The following WNT11 variants were observed in gnomAD, a reference collection of about 807,000 sequenced individuals.
WNT11 encodes the protein protein Wnt-11.
Under a neutral mutation model 35.6 loss-of-function variants are expected in WNT11, and 20 were observed. That is an observed-to-expected ratio of 0.56 (90% CI 0.40 to 0.82). WNT11 has a LOEUF of 0.82. Among genes scored for constraint, WNT11 ranks in the 40% least tolerant of loss-of-function variants. The pLI is 0.00. For synonymous variants in WNT11, 200 were observed against 211.9 expected (o/e 0.94, Z 0.49); for missense variants, 459 against 504.4 (o/e 0.91, Z 0.86).
At position 76,194,546 on chromosome 11, in the gene WNT11, G is replaced by A. The variant is rs974956924; in HGVS notation, c.597+21C>T. On this transcript the variant is annotated intron_variant, in intron 3 of 4. Coordinates refer to ENST00000322563, the MANE Select transcript of WNT11 (RefSeq NM_004626.3). This position sits in a 1 kb window ranked among gnomAD's most constrained non-coding sequence, Gnocchi z 5.4. ...ATGGCACAAGCACAACTATCTGGGG[G>A]TGGGTGGGGTGGGTGGTTACCTGTC... 17 of 1,531,768 alleles carry A rather than the reference G, an allele frequency of 1.1e-5. No individual in the cohort carries two copies. The highest frequency in any genetic ancestry group is 1.4e-5 in the African/African-American group (1 of 72,094). The allele number at this position is 1,531,768 out of a possible 1,614,324, so 94.9% of individuals were successfully genotyped here.
chr11:76,194,382 G>A lies in WNT11; in HGVS notation c.597+185C>T, dbSNP rs1352319194. On this transcript the variant is annotated intron_variant, in intron 3 of 4. Coordinates refer to ENST00000322563, the MANE Select transcript of WNT11 (RefSeq NM_004626.3). The surrounding 1 kb of genome is among the most constrained non-coding windows in gnomAD (Gnocchi z 5.4). ...CCAGTGGACGCCTTGGAGGAGGAAAGCGACACAAGCCCCAAGCAGCTGGCG... is the reference window on the plus strand; with the variant it reads ...CCAGTGGACGCCTTGGAGGAGGAAAACGACACAAGCCCCAAGCAGCTGGCG... 6.6e-6 allele frequency among the ~76,000 whole-genome samples: 1 copy of A among 151,982 alleles called. No individual in the cohort carries two copies. The highest frequency in any genetic ancestry group is 1.5e-5 in the Non-Finnish European group (1 of 68,018).
chr11:76,204,205 G>A lies in WNT11; in HGVS notation c.83+2120C>T, dbSNP rs145150016. Among the ~76,000 whole-genome samples, 244 of 152,204 alleles carry A rather than the reference G, an allele frequency of 1.6e-3. 1 individual carries two copies. Among genetic ancestry groups the A allele is most frequent in the African/African-American group, 5.6e-3 (232 of 41,524 alleles). On this transcript the variant is annotated intron_variant, in intron 1 of 4. Transcript: ENST00000322563. ...ATATATACACATGCATACACAGATC[G>A]TTGTTATTCTTAAACTCCACCCCTT...
At chr11:76,187,461 C>T (rs1228841663) in intron 4 of WNT11, among the ~76,000 whole-genome samples, 1 of 152,048 alleles carries the variant, frequency 6.6e-6, no homozygotes, top group South Asian at 2.1e-4. Context: ...AATGATGGGG[C>T]TGTTTTCTTT....
At chr11:76,208,415 G>T (rs982695610), upstream of WNT11, among the ~76,000 whole-genome samples, 3 of 152,254 alleles carry the variant, frequency 2.0e-5, no homozygotes, top group Admixed American at 6.5e-5. Flanking sequence ...GGGGTTCTCG[G>T]TGTAACCCAG....
upstream of WNT11, chr11:76,210,620 G>A: frequency 1.0e-6 from 1 of 985,286 alleles, no homozygotes; most frequent in Non-Finnish European, 1.2e-6. Flanking sequence ...CGAGAAGGAC[G>A]CCGGGGATCC....
Position 76,206,349 on chromosome 11 carries a change from C to A in WNT11, c.59G>T (p.Gly20Val), listed in dbSNP as rs773731264. The change falls in exon 1 of 5, where the codon GGC (glycine) becomes GTC (valine). Residue 20 changes from glycine (G) to valine (V), a missense_variant. Transcript: ENST00000322563. Reference sequence around the variant, plus strand: ...CAGCCACTTGATGCCATAGCACACGCCGGTCTGGAGCGCCAGGGCGAAGAG... The same window carrying A: ...CAGCCACTTGATGCCATAGCACACGACGGTCTGGAGCGCCAGGGCGAAGAG... ...ALLFALALQT[G>V]VCYGIKWLAL... 4 of 1,574,660 alleles carry A rather than the reference C, an allele frequency of 2.5e-6. No homozygotes were observed. In the South Asian group the frequency reaches 3.5e-5, roughly 14 times the overall value.
In WNT11 at chr11:76,191,804, G is replaced by C. The variant is rs758489238; in HGVS notation, c.650C>G (p.Ser217Cys). The C allele has an allele frequency of 6.2e-7, 1 of 1,609,942 alleles. No individual in the cohort carries two copies. Among genetic ancestry groups the C allele is most frequent in the Non-Finnish European group, 8.5e-7 (1 of 1,180,002 alleles). Residue 217 changes from serine to cysteine, a missense_variant, in exon 4 of 5, where the codon TCC (serine) becomes TGC (cysteine). Transcript: ENST00000322563. ...CTTCCAGCAGGTGCGGATGGAGCAGGAGCCAGACACCCCATGGCACTTACA... is the reference window on the plus strand; with the variant it reads ...CTTCCAGCAGGTGCGGATGGAGCAGCAGCCAGACACCCCATGGCACTTACA... ...MKCKCHGVSGSCSIRTCWKGL... is the reference protein window; with the variant it reads ...MKCKCHGVSGCCSIRTCWKGL...
At chr11:76,195,838 T>C (rs1274267372) in intron 2 of WNT11, among the ~76,000 whole-genome samples, 1 of 152,204 alleles carries the variant, frequency 6.6e-6, no homozygotes, top group Non-Finnish European at 1.5e-5. Context: ...AAAAGAATGT[T>C]TGTCAAACAT....
upstream of WNT11, chr11:76,206,575 G>A (rs1027712875): frequency 8.4e-7 from 1 of 1,196,814 alleles, no homozygotes; most frequent in East Asian, 3.5e-5. Flanking sequence ...AATTACAAAG[G>A]AGGGGTCGGG....
upstream of WNT11, chr11:76,206,541 C>CGGGGGGCGCGCGGGGGG: frequency 8.2e-7 from 1 of 1,215,178 alleles, no homozygotes; most frequent in Non-Finnish European, 1.0e-6. Context: ...AGGCGGCGCG[C>CGGGGGGCGCGCGGGGGG]GGGCGGGGGA....
chr11:76,196,332 A>T (rs541732189), intron 2 of WNT11, 151 bp downstream of exon 2: 58 of 866,744 alleles, frequency 6.7e-5, no homozygotes, highest in Admixed American at 3.6e-4. Context: ...CCCATACCCC[A>T]TCCATCCATG....
chr11:76,191,095 T>C (rs1023639668), intron 4 of WNT11, among the ~76,000 whole-genome samples: 1 of 152,048 alleles, frequency 6.6e-6, no homozygotes, highest in Non-Finnish European at 1.5e-5. Context: ...CAGACATCAC[T>C]CTCCCTCACA....
At chr11:76,198,459 T>C (rs542680864) in intron 1 of WNT11, among the ~76,000 whole-genome samples, 1 of 152,294 alleles carries the variant, frequency 6.6e-6, no homozygotes, top group African/African-American at 2.4e-5. Flanking sequence ...ATCCTCATCC[T>C]GACATCCAGC....
chr11:76,196,239 C>A (rs1178022521), intron 2 of WNT11, among the ~76,000 whole-genome samples: 2 of 152,216 alleles, frequency 1.3e-5, no homozygotes, highest in Non-Finnish European at 2.9e-5. Flanking sequence ...TCCAGGCTCC[C>A]CTGTGATGAT....
chr11:76,189,575 G>A (rs1046795875), intron 4 of WNT11, among the ~76,000 whole-genome samples: 1 of 152,160 alleles, frequency 6.6e-6, no homozygotes, highest in Admixed American at 6.5e-5. Flanking sequence ...GAGATACCCC[G>A]CATGCACACG....
At position 76,187,185 on chromosome 11, in the gene WNT11, C is replaced by G. The variant is rs1266002372; in HGVS notation, c.945G>C (p.Gly315=). ...GGTCTGTGTAGGGGTTGTAGCCACG[C>G]CCGCAGCACATAAGGTCGCAGCTGT... ...GSDSCDLMCC[G]RGYNPYTDRV... The change falls in exon 5 of 5, where the codon GGG becomes GGC. Residue 315 remains glycine, a synonymous_variant. Coordinates refer to ENST00000322563, the MANE Select transcript of WNT11 (RefSeq NM_004626.3). 1.9e-6 allele frequency: 3 copies of G among 1,610,116 alleles called. No homozygotes were observed. The highest frequency in any genetic ancestry group is 4.5e-5 in the East Asian group (2 of 44,874).
chr11:76,199,840 G>A (rs773617297), intron 1 of WNT11, among the ~76,000 whole-genome samples: 16 of 152,026 alleles, frequency 1.1e-4, no homozygotes, highest in Non-Finnish European at 2.1e-4. Context: ...TAAGTCCCCC[G>A]CTTGTTGCCC....
At chr11:76,192,225 C>A (rs1331667201) in intron 3 of WNT11, among the ~76,000 whole-genome samples, 2 of 152,182 alleles carry the variant, frequency 1.3e-5, no homozygotes, top group Non-Finnish European at 2.9e-5. Flanking sequence ...AAGTCTCATG[C>A]CCAAGGGTGC....
intron 2 of WNT11, among the ~76,000 whole-genome samples, chr11:76,195,773 C>T (rs906884014): frequency 2.6e-5 from 4 of 152,170 alleles, no homozygotes; most frequent in Non-Finnish European, 5.9e-5. Context: ...CTGTAGAATA[C>T]GGGTGATAAC....
Sources: allele counts gnomAD v4.1 joint callset (sites outside exome capture counted in the v4.1 genomes callset), GRCh38; gene constraint gnomAD v4.1.1; non-coding constraint Gnocchi (gnomAD v3.1); transcripts MANE v1.5; gene names NCBI Gene and HGNC (gene_info 2026-07-23, HGNC 2026-07-21).